Variants in COL12A1 observed in about 807,000 individuals in gnomAD.
COL12A1 encodes collagen type XII alpha 1 chain, also known as collagen alpha-1(XII) chain.
A neutral mutation model predicts 349.7 loss-of-function variants in COL12A1; 114 were observed. The observed-to-expected ratio is 0.33, with a 90% CI of 0.28 to 0.38. The LOEUF is 0.38. COL12A1 is among the 10% of genes least tolerant of loss of function. COL12A1 has a pLI of 1.00. For missense variants in COL12A1, 3,284 were observed against 3,756.9 expected, an observed-to-expected ratio of 0.87 and a Z score of 3.29; for synonymous variants, 1,369 against 1,329.0, an observed-to-expected ratio of 1.03 and a Z score of -0.66.
rs79490862 is a variant in COL12A1 at position 75,145,127 on chromosome 6, A to G, written c.4690+199T>C. ...TTCAGGCATGTTCAATGTGAAAAAA[A>G]TACACATCCTCGAATGAATTTGAGA... On this transcript the variant is annotated intron_variant, in intron 25 of 65. Transcript: ENST00000322507. 7.5e-3 allele frequency among the ~76,000 whole-genome samples: 1,147 copies of G among 152,356 alleles called. 52 individuals carry two copies. The East Asian group carries it at 0.13, about 17-fold the overall frequency.
In COL12A1 at chr6:75,119,060, A is replaced by C; in HGVS notation, c.7337T>G (p.Leu2446Trp). Residue 2446 changes from leucine to tryptophan, a missense_variant, in exon 46 of 66, where the codon TTG becomes TGG. By Grantham distance (61) the Leu-to-Trp change is moderately conservative. Transcript: ENST00000322507. ...GTGCTTGCCTGACTGCTGGATGACCAAAGCCGCCTTCTTGACCTCATCCTG... is the reference window on the plus strand; with the variant it reads ...GTGCTTGCCTGACTGCTGGATGACCCAAGCCGCCTTCTTGACCTCATCCTG... ...RSQDEVKKAA[L>W]VIQQSGFSVF... 1 of 1,613,972 alleles carries C rather than the reference A, an allele frequency of 6.2e-7. No homozygotes were observed. Among genetic ancestry groups the C allele is most frequent in the Non-Finnish European group, 8.5e-7 (1 of 1,179,874 alleles).
intron 52 of COL12A1, among the ~76,000 whole-genome samples, chr6:75,106,858 G>A (rs1332557415): frequency 1.7e-5 from 2 of 120,464 alleles, no homozygotes; most frequent in African/African-American, 6.1e-5. Flanking sequence ...TGTTCCACTT[G>A]TTTGTTAGGT....
chr6:75,125,307 T>C (rs1582089772), intron 39 of COL12A1, 34 bp from the exon 40 acceptor site: 9 of 1,551,628 alleles, frequency 5.8e-6, no homozygotes, highest in Non-Finnish European at 7.0e-6. Flanking sequence ...CACAGAAACA[T>C]GCCATCAATA....
rs370893944 is a variant in COL12A1, at chr6:75,170,513, G to T, written c.2710+4525C>A. 3.9e-5 allele frequency among the ~76,000 whole-genome samples: 6 copies of T among 152,318 alleles called. No homozygotes were observed. The East Asian group carries it at 1.2e-3, about 29-fold the overall frequency. ...ACTCAGTTACTTTAAGCTATGCACA[G>T]TTCTTAAAAACAACTTAACAATTAA... is the stretch of plus-strand genomic sequence containing the variant. On this transcript the variant is annotated intron_variant, in intron 13 of 65. Coordinates refer to ENST00000322507, the MANE Select transcript of COL12A1 (RefSeq NM_004370.6).
chr6:75,086,679 T>C, intron 65 of COL12A1, 122 bp from the exon 66 acceptor site: 1 of 381,282 alleles, frequency 2.6e-6, no homozygotes, highest in Non-Finnish European at 4.0e-6. Context: ...TATATCCATA[T>C]ATTTTTAGTT....
chr6:75,169,103 G>A (rs1427108846), intron 13 of COL12A1, among the ~76,000 whole-genome samples: 2 of 152,066 alleles, frequency 1.3e-5, no homozygotes, highest in African/African-American at 4.8e-5. Flanking sequence ...CTGAACACAC[G>A]CATGCCTCTT....
rs556747686 is a variant in COL12A1, at chr6:75,183,781, T to G, written c.1288+73A>C. 8 of 1,568,498 alleles carry G rather than the reference T, an allele frequency of 5.1e-6. No homozygotes were observed. The Admixed American group carries it at 1.5e-4, about 29-fold the overall frequency. ...TGCAAATATTTCATTCAAAACTAAGTCCAAACAAGTAAGGCATTCTGTCAA... is the reference window on the plus strand; with the variant it reads ...TGCAAATATTTCATTCAAAACTAAGGCCAAACAAGTAAGGCATTCTGTCAA... On this transcript the variant is annotated intron_variant, in intron 9 of 65. Coordinates refer to ENST00000322507, the MANE Select transcript of COL12A1 (RefSeq NM_004370.6).
At chr6:75,162,996 A>G (rs1168513103) in intron 14 of COL12A1, among the ~76,000 whole-genome samples, 2 of 152,224 alleles carry the variant, frequency 1.3e-5, no homozygotes, top group Admixed American at 1.3e-4. Context: ...GGCAATCATT[A>G]AAAAGTCAGG....
intron 34 of COL12A1, among the ~76,000 whole-genome samples, chr6:75,132,333 C>T (rs1278741583): frequency 6.6e-6 from 1 of 152,074 alleles, no homozygotes; most frequent in Non-Finnish European, 1.5e-5. Context: ...CGTGGTGGAA[C>T]TGGATTGGCC....
At chr6:75,148,555 T>C in intron 21 of COL12A1, 58 bp from the exon 22 acceptor site, 1 of 1,456,496 alleles carries the variant, frequency 6.9e-7, no homozygotes, top group Non-Finnish European at 9.5e-7. Flanking sequence ...GGTGACAATA[T>C]TTGAAATGAC....
chr6:75,194,551 A>C (rs1462793977), intron 3 of COL12A1, among the ~76,000 whole-genome samples: 1 of 152,090 alleles, frequency 6.6e-6, no homozygotes, highest in Middle Eastern at 3.2e-3. Context: ...CTATAAGATC[A>C]AAGGTTACTA....
chr6:75,150,140 A>G (rs935859570), intron 21 of COL12A1, among the ~76,000 whole-genome samples: 1 of 152,152 alleles, frequency 6.6e-6, no homozygotes, highest in Non-Finnish European at 1.5e-5. Context: ...TTCCAAAACC[A>G]AATTAAATTA....
chr6:75,084,421 AAGC>A lies in COL12A1; in HGVS notation c.*2123_*2125del, dbSNP rs1258460080. 2 of 152,678 alleles carry A rather than the reference AAGC, an allele frequency of 1.3e-5. No homozygotes were observed. The highest frequency in any genetic ancestry group is 2.9e-5 in the Non-Finnish European group (2 of 68,042). 9.5% of individuals were successfully genotyped at this position (152,678 alleles called of 1,614,324 possible). On this transcript the variant is annotated 3_prime_UTR_variant, in exon 66 of 66. Coordinates refer to ENST00000322507, the MANE Select transcript of COL12A1 (RefSeq NM_004370.6). ...TTCACAATCTGCAGTTAAAATATAA[AAGC>A]AGCAATTCTATGTTCATAGTCTTGC...
intron 2 of COL12A1, among the ~76,000 whole-genome samples, chr6:75,198,792 C>T (rs1191304289): frequency 6.6e-6 from 1 of 152,024 alleles, no homozygotes; most frequent in Non-Finnish European, 1.5e-5. Flanking sequence ...ACATAATGCG[C>T]TATAGATATA....
chr6:75,099,876 C>T (rs906055477), intron 58 of COL12A1, among the ~76,000 whole-genome samples: 1 of 152,230 alleles, frequency 6.6e-6, no homozygotes. Flanking sequence ...TTCCTCACCA[C>T]AACCCTTGGC....
Position 75,156,582 on chromosome 6 carries a change from C to T in COL12A1, c.2984-59G>A, listed in dbSNP as rs145952047. ...ATGTTGAAAAAAAATGTATGTCCAC[C>T]TCTTCATTTATGTGAAAAGAAACTC... On this transcript the variant is annotated intron_variant, in intron 14 of 65. Transcript: ENST00000322507. 3.4e-3 allele frequency: 5,066 copies of T among 1,501,532 alleles called. 18 individuals are homozygous for T. Among genetic ancestry groups the T allele is most frequent in the Non-Finnish European group, 4.0e-3 (4,368 of 1,098,298 alleles). 93.0% of individuals were successfully genotyped at this position (1,501,532 alleles called of 1,614,324 possible).
intron 23 of COL12A1, among the ~76,000 whole-genome samples, chr6:75,147,281 T>C (rs1767247007): frequency 6.6e-6 from 1 of 152,250 alleles, no homozygotes; most frequent in Non-Finnish European, 1.5e-5. Context: ...ACTCCTGATG[T>C]GCTTTATTCC....
chr6:75,175,794 C>G (rs891257906), intron 12 of COL12A1, among the ~76,000 whole-genome samples: 3 of 152,126 alleles, frequency 2.0e-5, no homozygotes, highest in Non-Finnish European at 4.4e-5. Flanking sequence ...ATTGCTTTCC[C>G]TAGGGGGAAA....
intron 12 of COL12A1, 27 bp from the exon 13 acceptor site, chr6:75,175,337 A>G (rs773218738): frequency 3.1e-6 from 5 of 1,596,960 alleles, no homozygotes; most frequent in East Asian, 2.2e-5. Context: ...CAACATCATC[A>G]AAACCCATTA....
Sources: gnomAD v4.1 joint callset for allele counts (sites outside exome capture counted in the v4.1 genomes callset) on GRCh38, gnomAD v4.1.1 for gene constraint, MANE v1.5 for transcripts, NCBI Gene and HGNC (gene_info 2026-07-23, HGNC 2026-07-21) for gene names.